CDH12: variants seen among roughly 807,000 people sequenced by gnomAD.
CDH12 encodes cadherin-12.
In CDH12, 41 loss-of-function variants were observed where a neutral mutation model predicts 74.1. That is an observed-to-expected ratio of 0.55 (90% CI 0.43 to 0.72). CDH12 has a LOEUF of 0.72. CDH12 is among the 30% of genes least tolerant of loss of function. The probability of loss-of-function intolerance (pLI) is 0.00; values close to 1 mark genes in which losing one functional copy is unlikely to be tolerated. For synonymous variants in CDH12, 399 were observed against 355.0 expected (o/e 1.12, Z -1.39); for missense variants, 945 against 977.2 (o/e 0.97, Z 0.44).
chr5:22,772,882 A>AT (rs1197355407), intron 1 of CDH12, among the ~76,000 whole-genome samples: 4 of 151,964 alleles, frequency 2.6e-5, no homozygotes, highest in Non-Finnish European at 5.9e-5. Context: ...AAAGATGTGG[A>AT]TTTTTTACCA....
intron 1 of CDH12, among the ~76,000 whole-genome samples, chr5:22,770,020 T>A (rs1359362226): frequency 2.6e-5 from 4 of 151,904 alleles, no homozygotes; most frequent in Non-Finnish European, 5.9e-5. Flanking sequence ...TAAAATAAGC[T>A]GCACTTACTG....
At chr5:22,436,596 T>C (rs761364507) in intron 2 of CDH12, among the ~76,000 whole-genome samples, 4 of 151,998 alleles carry the variant, frequency 2.6e-5, no homozygotes, top group Non-Finnish European at 1.5e-5. Flanking sequence ...GCAAATCCCC[T>C]GTCTTGAGAA....
chr5:21,968,192 A>T, intron 6 of CDH12, among the ~76,000 whole-genome samples: 1 of 152,216 alleles, frequency 6.6e-6, no homozygotes. Context: ...TAGTTTTCTG[A>T]GAATGATCAT....
intron 12 of CDH12, among the ~76,000 whole-genome samples, chr5:21,763,331 T>C (rs1579654958): frequency 1.3e-5 from 2 of 152,282 alleles, no homozygotes; most frequent in African/African-American, 4.8e-5. Context: ...AATGAGAATA[T>C]AGTTTTTAGT....
intron 3 of CDH12, among the ~76,000 whole-genome samples, chr5:22,373,819 T>G (rs1406682479): frequency 1.3e-5 from 2 of 152,018 alleles, no homozygotes; most frequent in African/African-American, 2.4e-5. Context: ...ATTCAAAAGG[T>G]TGGAAGAAGT....
intron 10 of CDH12, among the ~76,000 whole-genome samples, chr5:21,784,498 C>T (rs1443272316): frequency 6.6e-6 from 1 of 152,058 alleles, no homozygotes; most frequent in Non-Finnish European, 1.5e-5. Flanking sequence ...GATGTTTGAA[C>T]CAGGTCATCA....
chr5:21,914,719 T>C (rs139634356), intron 6 of CDH12, among the ~76,000 whole-genome samples: 1 of 152,168 alleles, frequency 6.6e-6, no homozygotes, highest in Admixed American at 6.6e-5. Flanking sequence ...GCCACCCACA[T>C]TATTGAAGAA....
At chr5:22,122,035 A>C (rs1028628552) in intron 4 of CDH12, among the ~76,000 whole-genome samples, 3 of 152,180 alleles carry the variant, frequency 2.0e-5, no homozygotes, top group Non-Finnish European at 4.4e-5. Context: ...AATTAAAAAA[A>C]AAATACTTAT....
chr5:21,993,441 G>A (rs1263566659), intron 5 of CDH12, among the ~76,000 whole-genome samples: 3 of 152,088 alleles, frequency 2.0e-5, no homozygotes, highest in Non-Finnish European at 4.4e-5. Flanking sequence ...GACCTGTAAA[G>A]CAGAAAGTTT....
At chr5:22,234,578 T>C (rs926316578) in intron 3 of CDH12, among the ~76,000 whole-genome samples, 1 of 150,242 alleles carries the variant, frequency 6.7e-6, no homozygotes, top group African/African-American at 2.5e-5. Flanking sequence ...GTTTTTTTTG[T>C]TTTGCTTTTT....
chr5:21,897,393 A>G (rs1753173609), intron 6 of CDH12, among the ~76,000 whole-genome samples: 2 of 152,206 alleles, frequency 1.3e-5, no homozygotes, highest in South Asian at 4.1e-4. Context: ...ATACCTTGAT[A>G]TTTTATGAAA....
intron 8 of CDH12, among the ~76,000 whole-genome samples, chr5:21,836,186 C>T (rs1000932205): frequency 6.6e-6 from 1 of 151,554 alleles, no homozygotes; most frequent in Admixed American, 6.6e-5. Context: ...AGTTAAAAAA[C>T]TATGATATAA....
At chr5:21,919,290 A>G (rs1754246556) in intron 6 of CDH12, among the ~76,000 whole-genome samples, 1 of 152,190 alleles carries the variant, frequency 6.6e-6, no homozygotes, top group African/African-American at 2.4e-5. Context: ...GCTTATGCAG[A>G]AATATTTGAT....
intron 5 of CDH12, among the ~76,000 whole-genome samples, chr5:22,010,696 T>A (rs4518350): frequency 0.34 from 51,850 of 151,954 alleles, 11,284 homozygotes; most frequent in African/African-American, 0.62. Flanking sequence ...ATTATTCTCA[T>A]TTGTGCCCAA....
At chr5:22,676,695 G>A (rs116702180) in intron 1 of CDH12, among the ~76,000 whole-genome samples, 16 of 152,094 alleles carry the variant, frequency 1.1e-4, no homozygotes, top group African/African-American at 2.9e-4. Flanking sequence ...GACCCTAGGT[G>A]GTAAGCAAGC....
At chr5:21,932,634 C>T (rs537903737) in intron 6 of CDH12, among the ~76,000 whole-genome samples, 1 of 152,090 alleles carries the variant, frequency 6.6e-6, no homozygotes, top group East Asian at 1.9e-4. Flanking sequence ...GGTGCGCTGG[C>T]GCACGCCTGT....
At position 21,824,737 on chromosome 5, in the gene CDH12, T is replaced by C. The variant is rs114629323; in HGVS notation, c.815-7605A>G. ...CCCCATTCACCAAACTTGAGAGGAG[T>C]AGGAAGGACAATCCTACCACTCACT... On this transcript the variant is annotated intron_variant, in intron 8 of 14. Coordinates refer to ENST00000382254, the MANE Select transcript of CDH12 (RefSeq NM_004061.5). 5.4e-3 allele frequency among the ~76,000 whole-genome samples: 825 copies of C among 152,122 alleles called. 7 individuals carry two copies. The highest frequency in any genetic ancestry group is 0.018 in the African/African-American group (767 of 41,498).
intron 3 of CDH12, among the ~76,000 whole-genome samples, chr5:22,283,251 T>TACAC (rs70959712): frequency 2.1e-4 from 21 of 102,044 alleles, no homozygotes; most frequent in African/African-American, 7.8e-4. Flanking sequence ...TATATATATA[T>TACAC]ACACACACAC....
intron 3 of CDH12, among the ~76,000 whole-genome samples, chr5:22,399,957 C>T (rs1465266264): frequency 1.3e-5 from 2 of 152,126 alleles, no homozygotes; most frequent in African/African-American, 4.8e-5. Context: ...ATCACTATGC[C>T]AGAACCTCAC....
Sources: gnomAD v4.1 joint callset for allele counts (sites outside exome capture counted in the v4.1 genomes callset) on GRCh38, gnomAD v4.1.1 for gene constraint, MANE v1.5 for transcripts, NCBI Gene and HGNC (gene_info 2026-07-23, HGNC 2026-07-21) for gene names.